The following SAMD5 variants were observed in gnomAD, a reference collection of about 807,000 sequenced individuals.
The protein encoded by SAMD5 is sterile alpha motif domain-containing protein 5.
A neutral mutation model predicts 11.3 loss-of-function variants in SAMD5; 13 were observed. The observed-to-expected ratio is 1.15, with a 90% CI of 0.75 to 1.83. The LOEUF (loss-of-function observed/expected upper bound fraction) is 1.83, where lower values mean the gene tolerates loss of function less well. SAMD5 is among the 40% of genes most tolerant of loss of function. The pLI is 0.00. For synonymous variants in SAMD5, 129 were observed against 111.3 expected (o/e 1.16, Z -1.00); for missense variants, 255 against 239.1 (o/e 1.07, Z -0.44).
chr6:147,700,958 TCTTGTTAATGTGC>T (rs1791245822), intron 1 of SAMD5, among the ~76,000 whole-genome samples: 5 of 151,944 alleles, frequency 3.3e-5, no homozygotes. Flanking sequence ...GAAGCAAGAG[TCTTGTTAATGTGC>T]CTGGTTATAA....
the SAMD5 span, among the ~76,000 whole-genome samples, chr6:147,866,436 T>C: frequency 6.6e-6 from 1 of 152,106 alleles, no homozygotes; most frequent in African/African-American, 2.4e-5. Flanking sequence ...CGCAATGTAA[T>C]GAAAAGTGGG....
At chr6:147,546,080 A>G (rs1788680748) in intron 1 of SAMD5, among the ~76,000 whole-genome samples, 1 of 152,144 alleles carries the variant, frequency 6.6e-6, no homozygotes, top group Admixed American at 6.5e-5. Flanking sequence ...AACATAATAA[A>G]TGCTTATTTC....
chr6:147,882,778 A>G, the SAMD5 span, among the ~76,000 whole-genome samples: 1 of 152,248 alleles, frequency 6.6e-6, no homozygotes, highest in Non-Finnish European at 1.5e-5. Flanking sequence ...GCTCCACATT[A>G]AAAGATATAG....
intron 1 of SAMD5, among the ~76,000 whole-genome samples, chr6:147,642,099 T>C (rs1177320990): frequency 6.6e-6 from 1 of 152,236 alleles, no homozygotes; most frequent in Non-Finnish European, 1.5e-5. Context: ...AGGGTTGTTA[T>C]ACACACATTA....
At chr6:147,901,685 C>T in the SAMD5 span, among the ~76,000 whole-genome samples, 3 of 152,124 alleles carry the variant, frequency 2.0e-5, no homozygotes, top group East Asian at 5.8e-4. Context: ...GAAACTTGAC[C>T]ACAATATTGG....
downstream of SAMD5, among the ~76,000 whole-genome samples, chr6:147,742,257 T>C (rs1791890374): frequency 6.6e-6 from 1 of 152,160 alleles, no homozygotes; most frequent in African/African-American, 2.4e-5. Context: ...TGTTTGTGTG[T>C]GTGTGTTGTG....
the SAMD5 span, among the ~76,000 whole-genome samples, chr6:147,910,258 C>T: frequency 1.3e-5 from 2 of 152,086 alleles, no homozygotes; most frequent in South Asian, 2.1e-4. Flanking sequence ...ATTGCCTACC[C>T]ACCCCCAGGC....
chr6:147,864,070 C>G, the SAMD5 span, among the ~76,000 whole-genome samples: 7 of 151,996 alleles, frequency 4.6e-5, no homozygotes, highest in African/African-American at 1.7e-4. Flanking sequence ...TCTCAAACTC[C>G]TGACCTCATG....
the SAMD5 span, among the ~76,000 whole-genome samples, chr6:147,769,903 G>A: frequency 6.6e-6 from 1 of 152,160 alleles, no homozygotes; most frequent in African/African-American, 2.4e-5. Flanking sequence ...GTTTGAAATG[G>A]CGCAGAGTGT....
At chr6:147,602,932 G>A (rs1453152719) in intron 1 of SAMD5, among the ~76,000 whole-genome samples, 3 of 152,182 alleles carry the variant, frequency 2.0e-5, no homozygotes, top group African/African-American at 7.2e-5. Context: ...GCACAACTCT[G>A]TCTGGAACTA....
chr6:147,569,959 C>A lies in SAMD5; in HGVS notation c.*5503C>A. ...CATTATGAACCATGTAATGCATGCC[C>A]ATGCACACTGTGATTTGCAAACATA... On this transcript the variant is annotated 3_prime_UTR_variant, in exon 2 of 2. Transcript: ENST00000367474. The A allele has an allele frequency of 1.0e-6, 1 of 984,956 alleles. No individual in the cohort carries two copies. The highest frequency in any genetic ancestry group is 1.2e-6 in the Non-Finnish European group (1 of 829,522). 61.0% of individuals were successfully genotyped at this position (984,956 alleles called of 1,614,324 possible).
At chr6:147,546,679 A>G (rs2128442667) in intron 1 of SAMD5, among the ~76,000 whole-genome samples, 1 of 152,348 alleles carries the variant, frequency 6.6e-6, no homozygotes, top group African/African-American at 2.4e-5. Flanking sequence ...AAGAAAGAGG[A>G]AAATCAAATG....
chr6:147,887,011 C>G, the SAMD5 span, among the ~76,000 whole-genome samples: 2 of 152,132 alleles, frequency 1.3e-5, no homozygotes, highest in Admixed American at 6.5e-5. Flanking sequence ...GCAGAGAGCC[C>G]AGCAAAGCAG....
intron 1 of SAMD5, among the ~76,000 whole-genome samples, chr6:147,599,225 G>T (rs1306320374): frequency 6.6e-6 from 1 of 152,194 alleles, no homozygotes; most frequent in Non-Finnish European, 1.5e-5. Context: ...ATAAGAAGGA[G>T]AATGTATAGG....
intron 1 of SAMD5, among the ~76,000 whole-genome samples, chr6:147,695,624 A>G (rs1791164357): frequency 6.6e-6 from 1 of 152,204 alleles, no homozygotes; most frequent in Non-Finnish European, 1.5e-5. Flanking sequence ...TTATTCATCC[A>G]GTATTTACTT....
At chr6:147,537,519 G>A (rs1464953208) in intron 1 of SAMD5, among the ~76,000 whole-genome samples, 1 of 152,098 alleles carries the variant, frequency 6.6e-6, no homozygotes, top group Non-Finnish European at 1.5e-5. Flanking sequence ...TTGGGAGGCC[G>A]AGGCGGGCGG....
At chr6:147,755,040 C>G in the SAMD5 span, among the ~76,000 whole-genome samples, 1 of 151,882 alleles carries the variant, frequency 6.6e-6, no homozygotes, top group Non-Finnish European at 1.5e-5. Flanking sequence ...CTTTGGCTAT[C>G]CTGGGTCTTT....
chr6:147,887,933 C>T, the SAMD5 span, among the ~76,000 whole-genome samples: 1 of 152,218 alleles, frequency 6.6e-6, no homozygotes, highest in African/African-American at 2.4e-5. Context: ...TGTTAAACAT[C>T]TTTTCATGTT....
intron 1 of SAMD5, among the ~76,000 whole-genome samples, chr6:147,713,499 C>T (rs762616140): frequency 2.6e-5 from 4 of 152,100 alleles, no homozygotes; most frequent in African/African-American, 9.7e-5. Context: ...CTGAGAATTG[C>T]AAGCAAGCGG....
Sources: allele counts gnomAD v4.1 joint callset (sites outside exome capture counted in the v4.1 genomes callset), GRCh38; gene constraint gnomAD v4.1.1; transcripts MANE v1.5; gene names NCBI Gene and HGNC (gene_info 2026-07-23, HGNC 2026-07-21).